Variants in HS6ST3 observed in about 807,000 individuals in gnomAD.
HS6ST3 encodes the protein heparan-sulfate 6-O-sulfotransferase 3.
In HS6ST3, 12 loss-of-function variants were observed where a neutral mutation model predicts 36.7. The ratio of observed to expected loss-of-function variants is 0.33; its 90% CI spans 0.21 to 0.53. The LOEUF (loss-of-function observed/expected upper bound fraction) is 0.53. Among genes scored for constraint, HS6ST3 ranks in the 20% least tolerant of loss-of-function variants. HS6ST3 has a pLI of 0.95. For synonymous variants in HS6ST3, 240 were observed against 257.5 expected, an observed-to-expected ratio of 0.93 and a Z score of 0.65; for missense variants, 584 against 640.9, an observed-to-expected ratio of 0.91 and a Z score of 0.96.
intron 1 of HS6ST3, among the ~76,000 whole-genome samples, chr13:96,200,089 G>A (rs1486427010): frequency 6.6e-6 from 1 of 152,062 alleles, no homozygotes; most frequent in Admixed American, 6.6e-5. Flanking sequence ...CTTCCCTTAC[G>A]ATAAAGTATC....
intron 1 of HS6ST3, among the ~76,000 whole-genome samples, chr13:96,167,915 G>T (rs1594701817): frequency 1.3e-5 from 2 of 152,138 alleles, no homozygotes; most frequent in Admixed American, 1.3e-4. Context: ...TAAGATTTTT[G>T]TGCTGTGGGC....
chr13:96,115,492 T>C (rs938295471), intron 1 of HS6ST3, among the ~76,000 whole-genome samples: 4 of 152,154 alleles, frequency 2.6e-5, no homozygotes, highest in African/African-American at 7.2e-5. Context: ...AGTGAGAACA[T>C]GCGGTGTTTG....
rs2056275016 is a variant in HS6ST3, at chr13:96,564,790, A to G, written c.708-267700A>G. Among the ~76,000 whole-genome samples the G allele has an allele frequency of 3.3e-5, 5 of 152,328 alleles. 1 individual carries two copies. In the South Asian group the frequency reaches 1.0e-3, roughly 32 times the overall value. On this transcript the variant is annotated intron_variant, in intron 1 of 1. Transcript: ENST00000376705. ...ACTGGAATAGTCCTCAAATAGAGGA[A>G]TACTGGAATAAACAGAAAACCCAAG...
At chr13:96,106,885 T>A (rs2053844277) in intron 1 of HS6ST3, among the ~76,000 whole-genome samples, 2 of 152,236 alleles carry the variant, frequency 1.3e-5, no homozygotes, top group Non-Finnish European at 2.9e-5. Context: ...GGGAAGTAAG[T>A]TGTCTGGCAG....
chr13:96,575,899 CA>C (rs1217738933), intron 1 of HS6ST3, among the ~76,000 whole-genome samples: 1 of 152,178 alleles, frequency 6.6e-6, no homozygotes, highest in Non-Finnish European at 1.5e-5. Context: ...GAAGTGATCC[CA>C]AGGACCTGAC....
At chr13:96,334,183 G>A (rs1594756200) in intron 1 of HS6ST3, among the ~76,000 whole-genome samples, 1 of 152,194 alleles carries the variant, frequency 6.6e-6, no homozygotes, top group African/African-American at 2.4e-5. Flanking sequence ...GATAGAGTTT[G>A]AATATAAGTT....
At chr13:96,339,052 G>T (rs1270829995) in intron 1 of HS6ST3, among the ~76,000 whole-genome samples, 1 of 152,076 alleles carries the variant, frequency 6.6e-6, no homozygotes, top group Non-Finnish European at 1.5e-5. Context: ...GCTTACCAAG[G>T]ATGAAATATT....
intron 1 of HS6ST3, among the ~76,000 whole-genome samples, chr13:96,182,804 C>G (rs2054245939): frequency 6.6e-6 from 1 of 152,160 alleles, no homozygotes; most frequent in South Asian, 2.1e-4. Flanking sequence ...AGCCTCTCTT[C>G]TGAACTAAAG....
intron 1 of HS6ST3, among the ~76,000 whole-genome samples, chr13:96,362,054 A>G (rs2055241409): frequency 6.6e-6 from 1 of 152,164 alleles, no homozygotes; most frequent in Non-Finnish European, 1.5e-5. Context: ...TGAGAACTGC[A>G]GTGCTAGGTA....
At chr13:96,343,730 G>C (rs2055140954) in intron 1 of HS6ST3, among the ~76,000 whole-genome samples, 1 of 151,566 alleles carries the variant, frequency 6.6e-6, no homozygotes, top group Non-Finnish European at 1.5e-5. Flanking sequence ...CTTAATTACA[G>C]TTTTTTGTTT....
At chr13:96,224,494 T>A (rs577947637) in intron 1 of HS6ST3, among the ~76,000 whole-genome samples, 47 of 152,266 alleles carry the variant, frequency 3.1e-4, no homozygotes, top group African/African-American at 9.6e-4. Flanking sequence ...GCTAATTTTT[T>A]AATTTAAGAC....
At chr13:96,613,645 A>G (rs1194839164) in intron 1 of HS6ST3, among the ~76,000 whole-genome samples, 1 of 152,228 alleles carries the variant, frequency 6.6e-6, no homozygotes, top group African/African-American at 2.4e-5. Context: ...TTGTAAGAAT[A>G]TCATTTAAGT....
chr13:96,789,098 A>G (rs1014670854), intron 1 of HS6ST3, among the ~76,000 whole-genome samples: 3 of 150,720 alleles, frequency 2.0e-5, no homozygotes, highest in Non-Finnish European at 4.4e-5. Context: ...TTCTTTCTTC[A>G]TATCTGCTCT....
intron 1 of HS6ST3, among the ~76,000 whole-genome samples, chr13:96,362,735 G>C (rs920179778): frequency 3.3e-5 from 5 of 152,088 alleles, no homozygotes; most frequent in African/African-American, 1.2e-4. Flanking sequence ...CCCAAACCTG[G>C]ACACAAACCA....
At chr13:96,421,169 A>T (rs1016145232) in intron 1 of HS6ST3, among the ~76,000 whole-genome samples, 3 of 152,210 alleles carry the variant, frequency 2.0e-5, no homozygotes, top group African/African-American at 7.2e-5. Flanking sequence ...AATATTCAAT[A>T]TTTATCATTG....
intron 1 of HS6ST3, among the ~76,000 whole-genome samples, chr13:96,352,982 C>G (rs1005498064): frequency 1.3e-5 from 2 of 150,238 alleles, no homozygotes; most frequent in East Asian, 2.0e-4. Flanking sequence ...CTGTGTGGCT[C>G]TACAGCACAA....
chr13:96,592,411 A>T (rs970450378), intron 1 of HS6ST3, among the ~76,000 whole-genome samples: 1 of 152,072 alleles, frequency 6.6e-6, no homozygotes, highest in East Asian at 1.9e-4. Context: ...TGATTGGTTC[A>T]TTGTTTAGTC....
chr13:96,344,912 C>T (rs1157079508), intron 1 of HS6ST3, among the ~76,000 whole-genome samples: 1 of 152,116 alleles, frequency 6.6e-6, no homozygotes, highest in Non-Finnish European at 1.5e-5. Flanking sequence ...ATTTGCTTGT[C>T]CATGTGTAAA....
chr13:96,152,748 A>G (rs1049382247), intron 1 of HS6ST3, among the ~76,000 whole-genome samples: 4 of 151,962 alleles, frequency 2.6e-5, no homozygotes, highest in African/African-American at 9.7e-5. Context: ...CCTTTCCCCA[A>G]AACCTCCAAT....
Sources: allele counts gnomAD v4.1 joint callset (sites outside exome capture counted in the v4.1 genomes callset), GRCh38; gene constraint gnomAD v4.1.1; transcripts MANE v1.5; gene names NCBI Gene and HGNC (gene_info 2026-07-23, HGNC 2026-07-21).